LCLAT1: variants seen among roughly 807,000 people sequenced by gnomAD.
LCLAT1 encodes 1-AGP acyltransferase 8.
In LCLAT1, 11 loss-of-function variants were observed where a neutral mutation model predicts 30.7. That is an observed-to-expected ratio of 0.36 (90% CI 0.23 to 0.59). LCLAT1 has a LOEUF of 0.59. Among genes scored for constraint, LCLAT1 ranks in the 20% least tolerant of loss-of-function variants. LCLAT1 has a pLI of 0.77. For synonymous variants in LCLAT1, 155 were observed against 151.3 expected (o/e 1.02, Z -0.18); for missense variants, 402 against 458.6 (o/e 0.88, Z 1.13).
chr2:30,469,453 A>T (rs911392605), intron 1 of LCLAT1, among the ~76,000 whole-genome samples: 1 of 151,720 alleles, frequency 6.6e-6, no homozygotes, highest in Non-Finnish European at 1.5e-5. Flanking sequence ...CAGTAGTATC[A>T]TTTGTTACAG....
At chr2:30,527,779 C>A (rs1338699770) in intron 2 of LCLAT1, among the ~76,000 whole-genome samples, 1 of 152,028 alleles carries the variant, frequency 6.6e-6, no homozygotes, top group Non-Finnish European at 1.5e-5. Context: ...ATAATGCTTG[C>A]CATTTGGTAA....
chr2:30,603,767 G>T (rs975020498), intron 5 of LCLAT1, among the ~76,000 whole-genome samples: 1 of 152,166 alleles, frequency 6.6e-6, no homozygotes, highest in Admixed American at 6.6e-5. Context: ...CCTGATCAGA[G>T]TAGGGACATG....
intron 4 of LCLAT1, among the ~76,000 whole-genome samples, chr2:30,563,284 C>T (rs897469264): frequency 2.0e-5 from 3 of 152,108 alleles, no homozygotes; most frequent in Non-Finnish European, 4.4e-5. Flanking sequence ...AGTCTGTCAT[C>T]CTTACTAAAT....
intron 5 of LCLAT1, among the ~76,000 whole-genome samples, chr2:30,568,718 G>A (rs139295684): frequency 0.01 from 1,555 of 150,320 alleles, 22 homozygotes; most frequent in African/African-American, 0.035. Context: ...CATGTTAGCC[G>A]GGATGGTCTC....
chr2:30,621,462 C>G (rs936847577), intron 5 of LCLAT1, among the ~76,000 whole-genome samples: 3 of 152,070 alleles, frequency 2.0e-5, no homozygotes, highest in African/African-American at 7.2e-5. Flanking sequence ...CTCTCAGCTC[C>G]GACTTGGATG....
At chr2:30,629,215 T>C (rs1214971751) in intron 5 of LCLAT1, among the ~76,000 whole-genome samples, 1 of 152,162 alleles carries the variant, frequency 6.6e-6, no homozygotes, top group East Asian at 1.9e-4. Flanking sequence ...ATAAATTATA[T>C]TACCACAGTG....
At chr2:30,620,234 G>T (rs1383646416) in intron 5 of LCLAT1, among the ~76,000 whole-genome samples, 1 of 152,118 alleles carries the variant, frequency 6.6e-6, no homozygotes, top group Non-Finnish European at 1.5e-5. Flanking sequence ...TATTTCCCCA[G>T]TGTGGCCTTT....
At chr2:30,463,971 G>C (rs1190784655) in intron 1 of LCLAT1, among the ~76,000 whole-genome samples, 1 of 152,136 alleles carries the variant, frequency 6.6e-6, no homozygotes, top group African/African-American at 2.4e-5. Context: ...TACTTTTGTA[G>C]GATAGATTAG....
At chr2:30,507,246 T>C (rs1684710801) in intron 1 of LCLAT1, among the ~76,000 whole-genome samples, 1 of 152,200 alleles carries the variant, frequency 6.6e-6, no homozygotes, top group Non-Finnish European at 1.5e-5. Context: ...AGGATTGCTT[T>C]TCTAGTAGAG....
At chr2:30,597,210 T>C (rs1666962475) in intron 5 of LCLAT1, among the ~76,000 whole-genome samples, 1 of 151,690 alleles carries the variant, frequency 6.6e-6, no homozygotes, top group East Asian at 1.9e-4. Context: ...GGGAATAGCA[T>C]TGAATCTGTA....
intron 5 of LCLAT1, among the ~76,000 whole-genome samples, chr2:30,574,587 C>G (rs1432566712): frequency 6.6e-6 from 1 of 152,190 alleles, no homozygotes; most frequent in Non-Finnish European, 1.5e-5. Flanking sequence ...AGAGCAGTCT[C>G]ATAAAAGCTC....
At chr2:30,609,941 G>C (rs1236322557) in intron 5 of LCLAT1, among the ~76,000 whole-genome samples, 1 of 152,054 alleles carries the variant, frequency 6.6e-6, no homozygotes, top group African/African-American at 2.4e-5. Flanking sequence ...GATTTAGTGA[G>C]CAATTATTAA....
At chr2:30,480,699 G>C (rs1373201981) in intron 1 of LCLAT1, among the ~76,000 whole-genome samples, 1 of 152,156 alleles carries the variant, frequency 6.6e-6, no homozygotes, top group Non-Finnish European at 1.5e-5. Flanking sequence ...GCTGCAGTGA[G>C]GTGTGATCCC....
At chr2:30,454,596 G>T (rs1681729454) in intron 1 of LCLAT1, among the ~76,000 whole-genome samples, 1 of 151,902 alleles carries the variant, frequency 6.6e-6, no homozygotes, top group Non-Finnish European at 1.5e-5. Flanking sequence ...GGTACTACAG[G>T]CATGTGCCAC....
chr2:30,600,083 C>T (rs1489793293), intron 5 of LCLAT1, among the ~76,000 whole-genome samples: 1 of 152,130 alleles, frequency 6.6e-6, no homozygotes, highest in African/African-American at 2.4e-5. Context: ...GTGCTTCCTT[C>T]AGGAGTTCTT....
At chr2:30,516,974 G>A (rs188954017) in intron 1 of LCLAT1, among the ~76,000 whole-genome samples, 164 of 152,268 alleles carry the variant, frequency 1.1e-3, no homozygotes, top group Non-Finnish European at 1.9e-3. Flanking sequence ...GCTGAGGGCC[G>A]ACTAGAAGCA....
At position 30,528,329 on chromosome 2, in the gene LCLAT1, A is replaced by G. The variant is rs151055772; in HGVS notation, c.165+2574A>G. The stretch of plus-strand genomic sequence containing the variant: ...AAATTCTGCAATAGCTATTTCTGCT[A>G]TTATTACTGCTAGTAGCATTACTAT... On this transcript the variant is annotated intron_variant, in intron 2 of 5. Coordinates refer to ENST00000379509, the MANE Select transcript of LCLAT1 (RefSeq NM_001002257.3). Among the ~76,000 whole-genome samples, 8 of 152,358 alleles carry G rather than the reference A, an allele frequency of 5.3e-5. No individual in the cohort carries two copies. The South Asian group carries it at 8.3e-4, about 16-fold the overall frequency.
chr2:30,591,362 A>G (rs1366793975), intron 5 of LCLAT1, among the ~76,000 whole-genome samples: 2 of 152,274 alleles, frequency 1.3e-5, no homozygotes, highest in South Asian at 4.1e-4. Context: ...TGTTCCATAC[A>G]TCACCAAAAT....
rs576081599 is a variant in LCLAT1 at position 30,459,473 on chromosome 2, C to T, written c.-5+12090C>T. 602 of 698,924 alleles carry T rather than the reference C, an allele frequency of 8.6e-4. 4 individuals are homozygous for T. Among genetic ancestry groups the T allele is most frequent in the South Asian group, 2.3e-3 (133 of 58,988 alleles). The allele number at this position is 698,924 out of a possible 1,614,324, so 43.3% of individuals were successfully genotyped here. ...CCCTGGGCCCGTAATCTGTTTACTC[C>T]ATGAACCATCTGATGAGCCCGGTGC... On this transcript the variant is annotated intron_variant, in intron 1 of 5. Transcript: ENST00000379509.
Sources: allele counts gnomAD v4.1 joint callset (sites outside exome capture counted in the v4.1 genomes callset), GRCh38; gene constraint gnomAD v4.1.1; transcripts MANE v1.5; gene names NCBI Gene and HGNC (gene_info 2026-07-23, HGNC 2026-07-21).